DPP10: variants seen among roughly 807,000 people sequenced by gnomAD.
The protein encoded by DPP10 is dipeptidyl peptidase like 10, also known as inactive dipeptidyl peptidase 10.
DPP10 carries 33 observed loss-of-function variants against 120.9 expected under a neutral mutation model. The ratio of observed to expected loss-of-function variants is 0.27; its 90% CI spans 0.21 to 0.37. The LOEUF (loss-of-function observed/expected upper bound fraction) is 0.37, where lower values mean the gene tolerates loss of function less well. Among genes scored for constraint, DPP10 ranks in the 10% least tolerant of loss-of-function variants. The pLI, the probability that DPP10 is intolerant of heterozygous loss-of-function variation, is 1.00. For synonymous variants in DPP10, 337 were observed against 326.1 expected (o/e 1.03, Z -0.36); for missense variants, 816 against 942.8 (o/e 0.87, Z 1.76).
At chr2:114,864,128 A>C (rs1373681104) in intron 1 of DPP10, among the ~76,000 whole-genome samples, 1 of 152,236 alleles carries the variant, frequency 6.6e-6, no homozygotes, top group East Asian at 1.9e-4. Context: ...GAAATGTCGA[A>C]TACAGATTTT....
At chr2:115,451,758 A>T (rs1253309323) in intron 3 of DPP10, among the ~76,000 whole-genome samples, 7 of 152,008 alleles carry the variant, frequency 4.6e-5, no homozygotes, top group African/African-American at 1.7e-4. Context: ...AAACAAAAAC[A>T]TTATAAAAAT....
In DPP10 at chr2:114,579,952, T is replaced by A. The variant is rs375939700; in HGVS notation, c.60+137114T>A. Among the ~76,000 whole-genome samples the A allele has an allele frequency of 1.2e-3, 182 of 152,304 alleles. 3 individuals are homozygous for A. The highest frequency in any genetic ancestry group is 8.8e-3 in the Admixed American group (135 of 15,308). ...TGTTGCATTCTAAAATGTGAATTTG[T>A]TTTGTGAAAGCCTTTCATTAACAAA... is the stretch of plus-strand genomic sequence containing the variant. On this transcript the variant is annotated intron_variant, in intron 1 of 25. Transcript: ENST00000410059.
intron 1 of DPP10, among the ~76,000 whole-genome samples, chr2:114,950,350 A>T (rs973125555): frequency 1.5e-5 from 2 of 137,484 alleles, no homozygotes; most frequent in Non-Finnish European, 3.0e-5. Flanking sequence ...ACTGGAGTGC[A>T]GTGGCGCGAT....
intron 5 of DPP10, among the ~76,000 whole-genome samples, chr2:115,627,670 T>C (rs1488218321): frequency 6.6e-6 from 1 of 152,098 alleles, no homozygotes; most frequent in African/African-American, 2.4e-5. Context: ...TTTGTCTTAA[T>C]GCTCTCCCTC....
At chr2:114,797,387 A>G (rs1683807508) in intron 1 of DPP10, among the ~76,000 whole-genome samples, 1 of 152,028 alleles carries the variant, frequency 6.6e-6, no homozygotes, top group Admixed American at 6.6e-5. Context: ...TCTACCGTTT[A>G]CTCCCTGGGT....
At chr2:115,405,190 G>A (rs1346631283) in intron 3 of DPP10, among the ~76,000 whole-genome samples, 2 of 152,190 alleles carry the variant, frequency 1.3e-5, no homozygotes, top group South Asian at 2.1e-4. Context: ...AAATACAATG[G>A]TGGAACAGGC....
At chr2:115,192,199 ATGTC>A (rs2054931439) in intron 1 of DPP10, among the ~76,000 whole-genome samples, 1 of 152,202 alleles carries the variant, frequency 6.6e-6, no homozygotes, top group African/African-American at 2.4e-5. Context: ...TTTTCAAGCA[ATGTC>A]TTGACTGCAT....
At chr2:114,510,018 G>T (rs146426490) in intron 1 of DPP10, among the ~76,000 whole-genome samples, 3 of 152,074 alleles carry the variant, frequency 2.0e-5, no homozygotes, top group Admixed American at 1.3e-4. Flanking sequence ...GAAAATGAAA[G>T]AAATGCTTTC....
chr2:115,704,209 C>T (rs1460030537), intron 7 of DPP10, among the ~76,000 whole-genome samples: 2 of 151,726 alleles, frequency 1.3e-5, no homozygotes, highest in Non-Finnish European at 2.9e-5. Context: ...CTCTGTGTCT[C>T]TGAGTCATTC....
At chr2:114,492,714 T>G (rs575964075) in intron 1 of DPP10, among the ~76,000 whole-genome samples, 1 of 152,178 alleles carries the variant, frequency 6.6e-6, no homozygotes, top group Non-Finnish European at 1.5e-5. Context: ...TCAAATTGGA[T>G]AGTGTTCTTG....
intron 1 of DPP10, among the ~76,000 whole-genome samples, chr2:114,977,501 T>G (rs1699826275): frequency 6.6e-6 from 1 of 152,144 alleles, no homozygotes; most frequent in African/African-American, 2.4e-5. Context: ...GCTGAGACCA[T>G]TCCTTGTTGG....
chr2:115,073,224 A>G (rs1037340229), intron 1 of DPP10, among the ~76,000 whole-genome samples: 2 of 152,266 alleles, frequency 1.3e-5, no homozygotes, highest in Non-Finnish European at 2.9e-5. Context: ...AAAAGAATAC[A>G]TTCCGAAGAA....
Position 115,293,207 on chromosome 2 carries a change from C to G in DPP10, c.61-16032C>G, listed in dbSNP as rs149440860. 9.2e-5 allele frequency among the ~76,000 whole-genome samples: 14 copies of G among 152,272 alleles called. 1 individual carries two copies. Among genetic ancestry groups the G allele is most frequent in the African/African-American group, 3.4e-4 (14 of 41,572 alleles). ...GGTCAGTGCGGTCAGGCCCTTCTGT[C>G]CCTGTTGGCAGGTATTTCAGAAAAG... On this transcript the variant is annotated intron_variant, in intron 1 of 25. Transcript: ENST00000410059.
At chr2:115,297,298 A>G in intron 1 of DPP10, 1 of 396,550 alleles carries the variant, frequency 2.5e-6, no homozygotes, top group Non-Finnish European at 5.2e-6. Flanking sequence ...TAAATCATAA[A>G]AGTAATTATT....
intron 5 of DPP10, among the ~76,000 whole-genome samples, chr2:115,684,032 TA>T (rs2090830330): frequency 6.6e-6 from 1 of 151,936 alleles, no homozygotes; most frequent in Non-Finnish European, 1.5e-5. Flanking sequence ...TTTAAGGTTA[TA>T]AATCTATCCA....
chr2:115,682,935 C>A (rs2090754114), intron 5 of DPP10, among the ~76,000 whole-genome samples: 2 of 151,644 alleles, frequency 1.3e-5, no homozygotes. Flanking sequence ...CCTACTAGAC[C>A]CAAATAAACC....
chr2:114,793,218 C>T (rs1165072227), intron 1 of DPP10, among the ~76,000 whole-genome samples: 1 of 152,058 alleles, frequency 6.6e-6, no homozygotes, highest in Non-Finnish European at 1.5e-5. Context: ...CACATAGGTA[C>T]ACACGTGCCA....
At chr2:115,189,899 C>T (rs1326423276) in intron 1 of DPP10, among the ~76,000 whole-genome samples, 1 of 152,096 alleles carries the variant, frequency 6.6e-6, no homozygotes, top group East Asian at 1.9e-4. Context: ...GTGAAGGAGG[C>T]ATTTACTCCT....
chr2:115,774,896 G>C (rs1260677403), intron 13 of DPP10, among the ~76,000 whole-genome samples: 4 of 151,990 alleles, frequency 2.6e-5, no homozygotes, highest in African/African-American at 7.2e-5. Flanking sequence ...ACCTAATTCT[G>C]AATTTATTTT....
Sources: gnomAD v4.1 joint callset for allele counts (sites outside exome capture counted in the v4.1 genomes callset) on GRCh38, gnomAD v4.1.1 for gene constraint, MANE v1.5 for transcripts, NCBI Gene and HGNC (gene_info 2026-07-23, HGNC 2026-07-21) for gene names.